TRIP12: variants seen among roughly 807,000 people sequenced by gnomAD.
TRIP12 encodes the protein E3 ubiquitin-protein ligase TRIP12.
A neutral mutation model predicts 244.2 loss-of-function variants in TRIP12; 25 were observed. The ratio of observed to expected loss-of-function variants is 0.10; its 90% CI spans 0.07 to 0.14. The LOEUF (loss-of-function observed/expected upper bound fraction) is 0.14, where lower values mean the gene tolerates loss of function less well. TRIP12 is among the 10% of genes least tolerant of loss of function. The pLI, the probability that TRIP12 is intolerant of heterozygous loss-of-function variation, is 1.00. For missense variants in TRIP12, 1,677 were observed against 2,486.4 expected (o/e 0.67, Z 6.92); for synonymous variants, 905 against 873.1 (o/e 1.04, Z -0.64).
intron 33 of TRIP12, among the ~76,000 whole-genome samples, 168 bp downstream of exon 33, chr2:229,787,337 T>TA (rs1410720000): frequency 6.6e-6 from 1 of 152,032 alleles, no homozygotes. Context: ...TAATGAAGAA[T>TA]AAGGAAGAAT....
At chr2:229,896,220 AG>A in intron 1 of TRIP12, among the ~76,000 whole-genome samples, 1 of 152,186 alleles carries the variant, frequency 6.6e-6, no homozygotes, top group African/African-American at 2.4e-5. Flanking sequence ...TAAGGCCAAC[AG>A]GAACTTGGTA....
At chr2:229,792,870 T>A in intron 27 of TRIP12, 103 bp downstream of exon 27, 2 of 1,248,378 alleles carry the variant, frequency 1.6e-6, no homozygotes, top group Non-Finnish European at 2.2e-6. Flanking sequence ...ATCTATTTTT[T>A]AACAGAAACA....
Position 229,792,038 on chromosome 2 carries a change from C to T in TRIP12, c.4243G>A (p.Val1415Ile). The change falls in exon 29 of 42, where the codon GTA becomes ATA. Residue 1415 changes from valine to isoleucine, a missense_variant. Transcript: ENST00000675903. ...ATATAAAACTGCAGCCTGTGTCTTA[C>T]ATTTCCTGAATTTAGGAACTGAGCA... ...LAAQFLNSGNVRHRLQFYIGE... is the reference protein window; with the variant it reads ...LAAQFLNSGNIRHRLQFYIGE... The T allele has an allele frequency of 6.2e-7, 1 of 1,614,082 alleles. No homozygotes were observed. The highest frequency in any genetic ancestry group is 1.1e-5 in the South Asian group (1 of 91,084).
chr2:229,809,217 A>G (rs1473733081), intron 15 of TRIP12, among the ~76,000 whole-genome samples: 1 of 152,226 alleles, frequency 6.6e-6, no homozygotes, highest in Non-Finnish European at 1.5e-5. Context: ...AGAATTTCAC[A>G]ATTAGTGATT....
At chr2:229,873,143 G>C (rs1370022682) in intron 2 of TRIP12, among the ~76,000 whole-genome samples, 1 of 152,062 alleles carries the variant, frequency 6.6e-6, no homozygotes, top group Admixed American at 6.6e-5. Context: ...CAAGAATAAG[G>C]GTTTTCTTCT....
chr2:229,798,867 C>T lies in TRIP12; in HGVS notation c.3482+8G>A, dbSNP rs771358984. 5 of 1,611,112 alleles carry T rather than the reference C, an allele frequency of 3.1e-6. No homozygotes were observed. In the South Asian group the frequency reaches 5.6e-5, roughly 18 times the overall value. On this transcript the variant is annotated splice_region_variant and intron_variant, in intron 23 of 41. Transcript: ENST00000675903. ...AATAGAAGAAACATAAAACTCCCCC[C>T]ACTTCACCTATTATTGGAGATGGTA... is the stretch of plus-strand genomic sequence containing the variant.
chr2:229,869,322 A>G (rs2062109507), intron 2 of TRIP12, among the ~76,000 whole-genome samples: 1 of 152,200 alleles, frequency 6.6e-6, no homozygotes, highest in Non-Finnish European at 1.5e-5. Flanking sequence ...CATACTAGTA[A>G]TTGTTGAACA....
At chr2:229,837,151 T>C (rs2055040916) in intron 5 of TRIP12, among the ~76,000 whole-genome samples, 167 bp from the exon 6 acceptor site, 1 of 152,224 alleles carries the variant, frequency 6.6e-6, no homozygotes, top group Non-Finnish European at 1.5e-5. Context: ...CAAGACTTTG[T>C]ATATTTAAAA....
chr2:229,884,172 ATATC>A (rs1254753424), intron 1 of TRIP12, among the ~76,000 whole-genome samples: 2 of 151,702 alleles, frequency 1.3e-5, no homozygotes, highest in African/African-American at 2.4e-5. Flanking sequence ...CATTCCTAAA[ATATC>A]TATCAAGAAT....
At chr2:229,789,958 T>C (rs1453643614) in intron 30 of TRIP12, among the ~76,000 whole-genome samples, 196 bp from the exon 31 acceptor site, 1 of 152,216 alleles carries the variant, frequency 6.6e-6, no homozygotes, top group Admixed American at 6.5e-5. Context: ...TTATAAAAAT[T>C]TCACTTTTCC....
intron 2 of TRIP12, among the ~76,000 whole-genome samples, chr2:229,872,023 A>G (rs1292601374): frequency 6.7e-6 from 1 of 149,948 alleles, no homozygotes; most frequent in African/African-American, 2.4e-5. Context: ...GTGATTACAT[A>G]TATGCATAAT....
intron 2 of TRIP12, among the ~76,000 whole-genome samples, chr2:229,873,488 C>T (rs1189633184): frequency 6.6e-6 from 1 of 152,112 alleles, no homozygotes; most frequent in African/African-American, 2.4e-5. Context: ...ACCAAAAGAT[C>T]ACAATGACAT....
chr2:229,791,260 A>T lies in TRIP12; in HGVS notation c.4416-9T>A. ...CTCTCACAGGTTTATACCTAAAATG[A>T]CAAGACAGTATATAAACCAAATGTA... On this transcript the variant is annotated splice_polypyrimidine_tract_variant and intron_variant, in intron 29 of 41. Coordinates refer to ENST00000675903, the MANE Select transcript of TRIP12 (RefSeq NM_001348323.3). The T allele has an allele frequency of 6.2e-7, 1 of 1,613,884 alleles. No individual in the cohort carries two copies. Among genetic ancestry groups the T allele is most frequent in the South Asian group, 1.1e-5 (1 of 91,036 alleles).
At chr2:229,876,856 T>A (rs943537960) in intron 2 of TRIP12, among the ~76,000 whole-genome samples, 1 of 152,024 alleles carries the variant, frequency 6.6e-6, no homozygotes, top group Non-Finnish European at 1.5e-5. Context: ...AACAGAAAAC[T>A]TCTACATGTG....
chr2:229,802,220 G>A, intron 21 of TRIP12, 32 bp downstream of exon 21: 1 of 1,547,324 alleles, frequency 6.5e-7, no homozygotes, highest in East Asian at 2.3e-5. Context: ...TAACAGCAAA[G>A]AAATAAAAAT....
At chr2:229,864,047 A>AGAGTGAGTGTGT in intron 2 of TRIP12, among the ~76,000 whole-genome samples, 272 of 79,250 alleles carry the variant, frequency 3.4e-3, no homozygotes, top group South Asian at 0.012. Flanking sequence ...AGAGAGAGAG[A>AGAGTGAGTGTGT]GTGTGTGTGT....
chr2:229,918,448 A>G (rs1039525290), intron 1 of TRIP12, among the ~76,000 whole-genome samples: 1 of 152,248 alleles, frequency 6.6e-6, no homozygotes, highest in African/African-American at 2.4e-5. Flanking sequence ...TTCTGTAAAG[A>G]AAACAGTGAC....
intron 24 of TRIP12, among the ~76,000 whole-genome samples, chr2:229,797,335 C>G (rs1446231714): frequency 6.6e-6 from 1 of 152,118 alleles, no homozygotes; most frequent in Non-Finnish European, 1.5e-5. Flanking sequence ...CTCTGAGACC[C>G]CATGTGAAGA....
chr2:229,825,291 G>A (rs917053423), intron 8 of TRIP12, among the ~76,000 whole-genome samples: 3 of 152,124 alleles, frequency 2.0e-5, no homozygotes, highest in African/African-American at 7.2e-5. Context: ...GGTGGTATCA[G>A]CATCAACTTT....
Sources: allele counts gnomAD v4.1 joint callset (sites outside exome capture counted in the v4.1 genomes callset), GRCh38; gene constraint gnomAD v4.1.1; transcripts MANE v1.5; gene names NCBI Gene and HGNC (gene_info 2026-07-23, HGNC 2026-07-21).